CDH12: variants seen among roughly 807,000 people sequenced by gnomAD.
CDH12 encodes cadherin 12, also known as cadherin-12.
Under a neutral mutation model 74.1 loss-of-function variants are expected in CDH12, and 41 were observed. That is an observed-to-expected ratio of 0.55 (90% CI 0.43 to 0.72). CDH12 has a LOEUF of 0.72. Ranked by LOEUF, CDH12 falls within the 30% of genes least tolerant of loss-of-function variation. CDH12 has a pLI of 0.00. For missense variants in CDH12, 945 were observed against 977.2 expected (o/e 0.97, Z 0.44); for synonymous variants, 399 against 355.0 (o/e 1.12, Z -1.39).
chr5:22,288,495 C>T (rs183027675), intron 3 of CDH12, among the ~76,000 whole-genome samples: 3 of 152,160 alleles, frequency 2.0e-5, no homozygotes, highest in East Asian at 1.9e-4. Context: ...TGTGCATGTC[C>T]GTATCTGATC....
At chr5:22,552,506 G>A (rs879575630) in intron 1 of CDH12, among the ~76,000 whole-genome samples, 90 of 151,376 alleles carry the variant, frequency 5.9e-4, no homozygotes, top group Non-Finnish European at 6.0e-4. Flanking sequence ...TTGGCTCACA[G>A]CAACCTCTGC....
chr5:22,238,474 C>T (rs1752634149), intron 3 of CDH12, among the ~76,000 whole-genome samples: 2 of 152,196 alleles, frequency 1.3e-5, no homozygotes, highest in Admixed American at 6.5e-5. Context: ...TATAAGATTG[C>T]CTTTGAGCTC....
At chr5:22,318,580 A>T (rs537666519) in intron 3 of CDH12, among the ~76,000 whole-genome samples, 2 of 152,336 alleles carry the variant, frequency 1.3e-5, no homozygotes, top group East Asian at 3.9e-4. Flanking sequence ...AGTTTAATGC[A>T]TCTGGAATTG....
chr5:22,595,970 T>A (rs1736583883), intron 1 of CDH12, among the ~76,000 whole-genome samples: 1 of 151,016 alleles, frequency 6.6e-6, no homozygotes, highest in Non-Finnish European at 1.5e-5. Flanking sequence ...TAGCCTGGCG[T>A]GGTGGTGGGC....
At chr5:21,838,164 T>C (rs1409161749) in intron 8 of CDH12, among the ~76,000 whole-genome samples, 1 of 152,248 alleles carries the variant, frequency 6.6e-6, no homozygotes, top group Non-Finnish European at 1.5e-5. Flanking sequence ...CCTCAGTTTC[T>C]TAACAGTAAT....
chr5:21,869,502 T>A (rs1388891713), intron 6 of CDH12, among the ~76,000 whole-genome samples: 1 of 152,194 alleles, frequency 6.6e-6, no homozygotes, highest in African/African-American at 2.4e-5. Flanking sequence ...TGTTTATGTG[T>A]ATTTATACAT....
intron 5 of CDH12, among the ~76,000 whole-genome samples, chr5:22,059,213 G>T (rs915313894): frequency 1.1e-4 from 17 of 151,770 alleles, no homozygotes; most frequent in African/African-American, 4.1e-4. Context: ...CAACCACTTC[G>T]TATTGTCTGG....
At chr5:21,854,301 C>T (rs1293570570) in intron 7 of CDH12, among the ~76,000 whole-genome samples, 1 of 151,536 alleles carries the variant, frequency 6.6e-6, no homozygotes, top group Admixed American at 6.6e-5. Flanking sequence ...AGGATGTTAC[C>T]ATGTATTGTT....
At chr5:22,378,558 T>C (rs1429767133) in intron 3 of CDH12, among the ~76,000 whole-genome samples, 1 of 152,026 alleles carries the variant, frequency 6.6e-6, no homozygotes, top group Non-Finnish European at 1.5e-5. Flanking sequence ...AGGGTGTAAA[T>C]CTCCAAAAAT....
chr5:22,645,880 G>A (rs1473869121), intron 1 of CDH12, among the ~76,000 whole-genome samples: 1 of 151,858 alleles, frequency 6.6e-6, no homozygotes, highest in Non-Finnish European at 1.5e-5. Context: ...TATATTGTAT[G>A]TACATTTTTA....
intron 8 of CDH12, among the ~76,000 whole-genome samples, chr5:21,817,483 C>T (rs1393349140): frequency 6.6e-6 from 1 of 151,700 alleles, no homozygotes; most frequent in African/African-American, 2.4e-5. Flanking sequence ...ACTAATAATA[C>T]AGGTTGCAAG....
At chr5:22,675,543 A>G (rs948484604) in intron 1 of CDH12, among the ~76,000 whole-genome samples, 5 of 152,064 alleles carry the variant, frequency 3.3e-5, no homozygotes, top group Admixed American at 6.6e-5. Context: ...TGGACTGTGG[A>G]CTTTTGAGTT....
At chr5:22,269,690 C>G (rs928942042) in intron 3 of CDH12, among the ~76,000 whole-genome samples, 1 of 152,144 alleles carries the variant, frequency 6.6e-6, no homozygotes, top group Non-Finnish European at 1.5e-5. Context: ...GAGTCCCCAT[C>G]CTTCACCTGA....
intron 2 of CDH12, among the ~76,000 whole-genome samples, chr5:22,407,163 G>A (rs1292992624): frequency 6.6e-6 from 1 of 151,940 alleles, no homozygotes; most frequent in Non-Finnish European, 1.5e-5. Flanking sequence ...TATTTCCCTT[G>A]AAGGTGCCAT....
chr5:22,611,075 T>C (rs1303010201), intron 1 of CDH12, among the ~76,000 whole-genome samples: 1 of 152,188 alleles, frequency 6.6e-6, no homozygotes, highest in African/African-American at 2.4e-5. Context: ...GGAATTTTTA[T>C]TGTCCTCCTA....
At chr5:22,054,340 T>A (rs1295631212) in intron 5 of CDH12, among the ~76,000 whole-genome samples, 3 of 152,152 alleles carry the variant, frequency 2.0e-5, no homozygotes, top group Admixed American at 6.6e-5. Flanking sequence ...CTCACATTCA[T>A]ATATATAGAT....
chr5:22,706,478 G>C (rs1386544), intron 1 of CDH12, among the ~76,000 whole-genome samples: 95,636 of 151,716 alleles, frequency 0.63, 30,385 homozygotes, highest in Admixed American at 0.71. Flanking sequence ...GTTTTGGTAT[G>C]TTACATTTAT....
intron 3 of CDH12, among the ~76,000 whole-genome samples, chr5:22,252,904 C>T (rs1020986798): frequency 6.6e-6 from 1 of 151,736 alleles, no homozygotes; most frequent in African/African-American, 2.4e-5. Flanking sequence ...TTTTTAGAAA[C>T]ATGTTATCAG....
At chr5:22,319,146 A>G (rs2150435548) in intron 3 of CDH12, among the ~76,000 whole-genome samples, 1 of 152,316 alleles carries the variant, frequency 6.6e-6, no homozygotes. Flanking sequence ...CAAATCAAGA[A>G]ATATTTTAGA....
Sources: gnomAD v4.1 joint callset for allele counts (sites outside exome capture counted in the v4.1 genomes callset) on GRCh38, gnomAD v4.1.1 for gene constraint, MANE v1.5 for transcripts, NCBI Gene and HGNC (gene_info 2026-07-23, HGNC 2026-07-21) for gene names.